Variants in AGPAT3 observed in about 807,000 individuals in gnomAD.
The protein encoded by AGPAT3 is 1-acyl-sn-glycerol-3-phosphate acyltransferase gamma.
A neutral mutation model predicts 47.3 loss-of-function variants in AGPAT3; 5 were observed. The ratio of observed to expected loss-of-function variants is 0.11; its 90% CI spans 0.06 to 0.22. The LOEUF is 0.22. Among genes scored for constraint, AGPAT3 ranks in the 10% least tolerant of loss-of-function variants. The probability of loss-of-function intolerance (pLI) is 1.00; values close to 1 mark genes in which losing one functional copy is unlikely to be tolerated. For missense variants in AGPAT3, 315 were observed against 493.0 expected, an observed-to-expected ratio of 0.64 and a Z score of 3.42; for synonymous variants, 212 against 208.3, an observed-to-expected ratio of 1.02 and a Z score of -0.15.
At chr21:43,881,006 A>G (rs1473930957) in intron 1 of AGPAT3, among the ~76,000 whole-genome samples, 1 of 152,184 alleles carries the variant, frequency 6.6e-6, no homozygotes, top group Non-Finnish European at 1.5e-5. Flanking sequence ...ATGAGAACAA[A>G]TGTAAGAACT....
intron 8 of AGPAT3, among the ~76,000 whole-genome samples, 165 bp from the exon 9 acceptor site, chr21:43,980,824 C>T (rs552702585): frequency 6.6e-6 from 1 of 152,256 alleles, no homozygotes; most frequent in Non-Finnish European, 1.5e-5. Context: ...CAAAAACGTA[C>T]AGCCAGCTTC....
intron 1 of AGPAT3, among the ~76,000 whole-genome samples, chr21:43,893,749 G>A (rs1244776685): frequency 6.6e-6 from 1 of 152,154 alleles, no homozygotes; most frequent in South Asian, 2.1e-4. Flanking sequence ...GGGAAGAGCC[G>A]CTCGGCCGAG....
At chr21:43,868,536 A>T (rs570288801) in intron 1 of AGPAT3, among the ~76,000 whole-genome samples, 9 of 152,200 alleles carry the variant, frequency 5.9e-5, no homozygotes, top group Non-Finnish European at 1.2e-4. Context: ...AAGCGGGTAG[A>T]GAATGAAATG....
At chr21:43,944,960 G>A (rs981068564) in intron 2 of AGPAT3, among the ~76,000 whole-genome samples, 13 of 152,344 alleles carry the variant, frequency 8.5e-5, no homozygotes, top group African/African-American at 2.2e-4. Context: ...ACTCAGCTCC[G>A]GCAGGCAAGG....
At chr21:43,892,049 C>T (rs940217927) in intron 1 of AGPAT3, among the ~76,000 whole-genome samples, 1 of 151,938 alleles carries the variant, frequency 6.6e-6, no homozygotes, top group African/African-American at 2.4e-5. Flanking sequence ...GCTCACACCT[C>T]TAATCCCAGC....
In AGPAT3 at chr21:43,954,893, CG is replaced by C; in HGVS notation, c.-48-4737del. The C allele has an allele frequency of 2.0e-6, 1 of 495,492 alleles. No homozygotes were observed. Among genetic ancestry groups the C allele is most frequent in the Non-Finnish European group, 2.8e-6 (1 of 354,550 alleles). 30.7% of individuals were successfully genotyped at this position (495,492 alleles called of 1,614,324 possible). A position where few individuals can be genotyped will look rare whatever the true frequency, so the allele number is the denominator to read the frequency against. On this transcript the variant is annotated intron_variant, in intron 2 of 9. Transcript: ENST00000291572. The surrounding 1 kb of genome is among the most constrained non-coding windows in gnomAD (Gnocchi z 4.0). ...TGCCAGAGGGCAGGCGTGGGCTCTC[CG>C]GGGAGTCTCTGCGTAGACTTTCTAG...
rs2088432752 is a variant in AGPAT3, at chr21:43,955,917, T to C, written c.-48-3717T>C. ...TCTGTCTCAAAAAAAAAAAAAAAAA[T>C]CAGATTCCTGTACTTTGCGCCGTAG... On this transcript the variant is annotated intron_variant, in intron 2 of 9. Coordinates refer to ENST00000291572, the MANE Select transcript of AGPAT3 (RefSeq NM_020132.5). This position sits in a 1 kb window ranked among gnomAD's most constrained non-coding sequence, Gnocchi z 4.1. 7.1e-6 allele frequency among the ~76,000 whole-genome samples: 1 copy of C among 141,482 alleles called. No homozygotes were observed. The highest frequency in any genetic ancestry group is 1.5e-5 in the Non-Finnish European group (1 of 64,912). 92.8% of individuals were successfully genotyped at this position (141,482 alleles called of 152,430 possible).
Position 43,982,567 on chromosome 21 carries a change from C to G in AGPAT3, c.*175C>G. 1.9e-6 allele frequency: 1 copy of G among 531,952 alleles called. No homozygotes were observed. The highest frequency in any genetic ancestry group is 3.3e-6 in the Non-Finnish European group (1 of 300,226). 33.0% of individuals were successfully genotyped at this position (531,952 alleles called of 1,614,324 possible). A position where few individuals can be genotyped will look rare whatever the true frequency, so the allele number is the denominator to read the frequency against. On this transcript the variant is annotated 3_prime_UTR_variant, in exon 10 of 10. Coordinates refer to ENST00000291572, the MANE Select transcript of AGPAT3 (RefSeq NM_020132.5). This position sits in a 1 kb window ranked among gnomAD's most constrained non-coding sequence, Gnocchi z 6.2. ...ATTCAGAAGGCCTGTCAGGTGAAGT[C>G]TTCAGCCTCCCACAGCGCAGGGTCC...
chr21:43,925,861 A>G lies in AGPAT3; in HGVS notation c.-49+21842A>G, dbSNP rs143526128. Reference sequence around the variant, plus strand: ...TCCACCTTCTCCGTCAGGGCAGGCCAATCCTCGTCTGCTGCAAATGTCCTG... The same window carrying G: ...TCCACCTTCTCCGTCAGGGCAGGCCGATCCTCGTCTGCTGCAAATGTCCTG... On this transcript the variant is annotated intron_variant, in intron 2 of 9. Transcript: ENST00000291572. Among the ~76,000 whole-genome samples the G allele has an allele frequency of 3.7e-3, 559 of 152,362 alleles. 2 individuals are homozygous for G. Among genetic ancestry groups the G allele is most frequent in the Non-Finnish European group, 5.9e-3 (399 of 68,036 alleles).
chr21:43,913,171 A>C (rs1403937148), intron 2 of AGPAT3, among the ~76,000 whole-genome samples: 1 of 152,248 alleles, frequency 6.6e-6, no homozygotes, highest in Non-Finnish European at 1.5e-5. Context: ...AAACAGATCC[A>C]CATGGTCATC....
At chr21:43,979,871 A>G (rs984554646) in intron 8 of AGPAT3, among the ~76,000 whole-genome samples, 1 of 152,148 alleles carries the variant, frequency 6.6e-6, no homozygotes, top group East Asian at 1.9e-4. Flanking sequence ...GGCAGGGGGC[A>G]CCCCAACCCC....
chr21:43,938,217 G>A (rs941603750), intron 2 of AGPAT3, among the ~76,000 whole-genome samples: 3 of 151,676 alleles, frequency 2.0e-5, no homozygotes, highest in Middle Eastern at 3.2e-3. Flanking sequence ...TGCATGTTAC[G>A]CTAGAGAGCT....
At chr21:43,893,229 GCTT>G (rs1221742034) in intron 1 of AGPAT3, among the ~76,000 whole-genome samples, 3 of 152,196 alleles carry the variant, frequency 2.0e-5, no homozygotes, top group Non-Finnish European at 4.4e-5. Context: ...AGAAGATGTG[GCTT>G]CTTTTCTTAA....
Position 43,987,497 on chromosome 21 carries a change from C to CTT in AGPAT3, c.*5111_*5112dup, listed in dbSNP as rs151271952. Among the ~76,000 whole-genome samples, 1 of 152,208 alleles carries CTT rather than the reference C, an allele frequency of 6.6e-6. No individual in the cohort carries two copies. Among genetic ancestry groups the CTT allele is most frequent in the African/African-American group, 2.4e-5 (1 of 41,448 alleles). On this transcript the variant is annotated 3_prime_UTR_variant, in exon 10 of 10. Transcript: ENST00000291572. ...TGGCATGTATACATCCAAAACTACT[C>CTT]TTTTTTTGTAAAAACATTCATCTGT...
intron 1 of AGPAT3, among the ~76,000 whole-genome samples, chr21:43,894,258 A>G (rs556836789): frequency 6.6e-6 from 1 of 150,854 alleles, no homozygotes; most frequent in South Asian, 2.1e-4. Flanking sequence ...AGTTTATGGA[A>G]GATTGGAATC....
chr21:43,960,620 T>G (rs932107687), intron 3 of AGPAT3: 1 of 318,172 alleles, frequency 3.1e-6, no homozygotes, highest in African/African-American at 2.2e-5. Flanking sequence ...CATTATTGTA[T>G]TATTTTTATA....
intron 2 of AGPAT3, among the ~76,000 whole-genome samples, chr21:43,938,127 C>T (rs2087514728): frequency 6.6e-6 from 1 of 151,854 alleles, no homozygotes; most frequent in African/African-American, 2.4e-5. Flanking sequence ...GACACACACA[C>T]ACACACACAC....
At chr21:43,882,906 T>C (rs1295895784) in intron 1 of AGPAT3, among the ~76,000 whole-genome samples, 1 of 152,190 alleles carries the variant, frequency 6.6e-6, no homozygotes, top group African/African-American at 2.4e-5. Flanking sequence ...GTGTCCAGTG[T>C]CATAGCCGCT....
intron 2 of AGPAT3, among the ~76,000 whole-genome samples, chr21:43,931,118 G>T (rs1279568290): frequency 6.6e-6 from 1 of 152,144 alleles, no homozygotes; most frequent in African/African-American, 2.4e-5. Flanking sequence ...GTCCAGACCC[G>T]GGGTCAGGGC....
Sources: allele counts gnomAD v4.1 joint callset (sites outside exome capture counted in the v4.1 genomes callset), GRCh38; gene constraint gnomAD v4.1.1; non-coding constraint Gnocchi (gnomAD v3.1); transcripts MANE v1.5; gene names NCBI Gene and HGNC (gene_info 2026-07-23, HGNC 2026-07-21).